SLC7A14: variants seen among roughly 807,000 people sequenced by gnomAD.
SLC7A14 encodes solute carrier family 7 member 14.
A neutral mutation model predicts 60.2 loss-of-function variants in SLC7A14; 37 were observed. The observed-to-expected ratio is 0.61, with a 90% CI of 0.47 to 0.81. The LOEUF (loss-of-function observed/expected upper bound fraction) is 0.81. Among genes scored for constraint, SLC7A14 ranks in the 30% least tolerant of loss-of-function variants. The pLI, the probability that SLC7A14 is intolerant of heterozygous loss-of-function variation, is 0.00. For synonymous variants in SLC7A14, 399 were observed against 395.8 expected, an observed-to-expected ratio of 1.01 and a Z score of -0.10; for missense variants, 886 against 982.7, an observed-to-expected ratio of 0.90 and a Z score of 1.32.
chr3:170,562,839 C>T (rs1457659610), intron 1 of SLC7A14, among the ~76,000 whole-genome samples: 2 of 152,044 alleles, frequency 1.3e-5, no homozygotes, highest in Non-Finnish European at 2.9e-5. Context: ...TCACTGTGAC[C>T]TCTAGAGGCC....
chr3:170,507,223 T>G (rs1319195165), intron 2 of SLC7A14, among the ~76,000 whole-genome samples: 1 of 152,224 alleles, frequency 6.6e-6, no homozygotes, highest in Non-Finnish European at 1.5e-5. Context: ...CTAATTTCCT[T>G]CCTTTATTCC....
intron 4 of SLC7A14, chr3:170,496,410 C>G (rs756229683): frequency 7.2e-7 from 1 of 1,384,508 alleles, no homozygotes; most frequent in Non-Finnish European, 1.0e-6. Context: ...CCTCAAAGGC[C>G]AGAGGGCTTC....
At chr3:170,542,179 T>C (rs1286971515) in intron 1 of SLC7A14, among the ~76,000 whole-genome samples, 1 of 152,162 alleles carries the variant, frequency 6.6e-6, no homozygotes, top group African/African-American at 2.4e-5. Flanking sequence ...ATTCTCCCAG[T>C]TGCTACACAA....
chr3:170,543,980 C>T (rs1486561734), intron 1 of SLC7A14, among the ~76,000 whole-genome samples: 11 of 151,926 alleles, frequency 7.2e-5, no homozygotes, highest in Admixed American at 7.2e-4. Flanking sequence ...GAACTCCTGA[C>T]CTTGTGATCC....
intron 1 of SLC7A14, among the ~76,000 whole-genome samples, chr3:170,544,099 C>T (rs1251161974): frequency 6.6e-6 from 1 of 152,066 alleles, no homozygotes; most frequent in East Asian, 1.9e-4. Context: ...TAAGCCTCCA[C>T]ATTCGGAGCC....
Position 170,461,938 on chromosome 3 carries a change from C to T in SLC7A14, c.*5117G>A, listed in dbSNP as rs1027401673. The T allele has an allele frequency of 6.6e-6, 1 of 152,588 alleles. No homozygotes were observed. Among genetic ancestry groups the T allele is most frequent in the African/African-American group, 2.4e-5 (1 of 41,404 alleles). The allele number at this position is 152,588 out of a possible 1,614,324, so 9.5% of individuals were successfully genotyped here. A position where few individuals can be genotyped will look rare whatever the true frequency, so the allele number is the denominator to read the frequency against. ...GCGACTTCTGGATGTGTTTCCTTTG[C>T]TCTCCTCTCTTTCCCTCCATTGGAA... On this transcript the variant is annotated 3_prime_UTR_variant, in exon 8 of 8. Transcript: ENST00000231706.
At chr3:170,508,088 C>T (rs1712842609) in intron 2 of SLC7A14, among the ~76,000 whole-genome samples, 1 of 152,206 alleles carries the variant, frequency 6.6e-6, no homozygotes, top group Admixed American at 6.5e-5. Context: ...CTAATTCACT[C>T]ATTCATTTAT....
chr3:170,577,361 G>C (rs2108317812), intron 1 of SLC7A14, among the ~76,000 whole-genome samples: 1 of 152,262 alleles, frequency 6.6e-6, no homozygotes, highest in East Asian at 1.9e-4. Context: ...GCTCACGCCT[G>C]TAATCCCAGC....
chr3:170,508,483 G>C (rs907464360), intron 2 of SLC7A14, among the ~76,000 whole-genome samples: 1 of 152,140 alleles, frequency 6.6e-6, no homozygotes, highest in African/African-American at 2.4e-5. Flanking sequence ...GGAAGGTTGG[G>C]GTGGGCTGAT....
At chr3:170,568,663 G>C (rs1263041411) in intron 1 of SLC7A14, among the ~76,000 whole-genome samples, 2 of 152,150 alleles carry the variant, frequency 1.3e-5, no homozygotes, top group African/African-American at 4.8e-5. Context: ...TCTTCCATTT[G>C]TTTGTATCCT....
rs1485885500 is a variant in SLC7A14, at chr3:170,460,750, C to G, written c.*6305G>C. ...TCCAGGCTGCCCCTGTTTCCTAGCT[C>G]TAATATAAGCCATTTTCTTTCCTTA... On this transcript the variant is annotated 3_prime_UTR_variant, in exon 8 of 8. Coordinates refer to ENST00000231706, the MANE Select transcript of SLC7A14 (RefSeq NM_020949.3). The G allele has an allele frequency of 1.3e-5, 2 of 151,440 alleles. No homozygotes were observed. Among genetic ancestry groups the G allele is most frequent in the African/African-American group, 2.4e-5 (1 of 41,260 alleles). The allele number at this position is 151,440 out of a possible 1,614,324, so 9.4% of individuals were successfully genotyped here.
chr3:170,532,502 C>T lies in SLC7A14; in HGVS notation c.-152-5414G>A, dbSNP rs1240771923. Among the ~76,000 whole-genome samples the T allele has an allele frequency of 1.3e-5, 2 of 152,218 alleles. No individual in the cohort carries two copies. The highest frequency in any genetic ancestry group is 2.9e-5 in the Non-Finnish European group (2 of 68,036). On this transcript the variant is annotated intron_variant, in intron 1 of 7. Transcript: ENST00000231706. This position sits in a 1 kb window ranked among gnomAD's most constrained non-coding sequence, Gnocchi z 4.0. ...GTGACCTTGGGCAAACCTCACTATGCGTCAGTTTTGCCATTTGTAAAATGG... is the reference window on the plus strand; with the variant it reads ...GTGACCTTGGGCAAACCTCACTATGTGTCAGTTTTGCCATTTGTAAAATGG...
chr3:170,541,979 T>C (rs997572289), intron 1 of SLC7A14, among the ~76,000 whole-genome samples: 8 of 152,240 alleles, frequency 5.3e-5, no homozygotes, highest in Non-Finnish European at 1.2e-4. Flanking sequence ...GTAGTTATGC[T>C]TCTACGCATC....
Position 170,477,046 on chromosome 3 carries a change from A to T in SLC7A14, c.1993+3243T>A, listed in dbSNP as rs186294602. On this transcript the variant is annotated intron_variant, in intron 7 of 7. Transcript: ENST00000231706. ...GCAGCAGCAGAGCATTAAACCAAGC[A>T]TGGGACCCTGTGCACAGCTGTGTGC... 4.4e-3 allele frequency among the ~76,000 whole-genome samples: 674 copies of T among 152,350 alleles called. 7 individuals carry two copies. Among genetic ancestry groups the T allele is most frequent in the African/African-American group, 0.016 (653 of 41,578 alleles).
At position 170,459,869 on chromosome 3, in the gene SLC7A14, G is replaced by C. The variant is rs1262569252; in HGVS notation, c.*7186C>G. 6.6e-6 allele frequency: 1 copy of C among 151,636 alleles called. No individual in the cohort carries two copies. The highest frequency in any genetic ancestry group is 1.5e-5 in the Non-Finnish European group (1 of 67,930). The allele number at this position is 151,636 out of a possible 1,614,324, so 9.4% of individuals were successfully genotyped here. A position where few individuals can be genotyped will look rare whatever the true frequency, so the allele number is the denominator to read the frequency against. On this transcript the variant is annotated 3_prime_UTR_variant, in exon 8 of 8. Coordinates refer to ENST00000231706, the MANE Select transcript of SLC7A14 (RefSeq NM_020949.3). ...TTTATAGTAAGACACTTTTGTTTCT[G>C]ACTTTCTTTATAAACCCATTTTTAA...
intron 1 of SLC7A14, among the ~76,000 whole-genome samples, chr3:170,569,473 T>C (rs1401610007): frequency 1.3e-5 from 2 of 151,772 alleles, no homozygotes; most frequent in Admixed American, 6.6e-5. Context: ...TAAAATTCTC[T>C]TTTTTGGTTG....
At chr3:170,556,033 A>T (rs1482200562) in intron 1 of SLC7A14, among the ~76,000 whole-genome samples, 1 of 152,196 alleles carries the variant, frequency 6.6e-6, no homozygotes, top group South Asian at 2.1e-4. Context: ...TCCCCTACTA[A>T]ATGTGCAATC....
At chr3:170,510,654 G>C (rs1214889001) in intron 2 of SLC7A14, among the ~76,000 whole-genome samples, 1 of 152,126 alleles carries the variant, frequency 6.6e-6, no homozygotes, top group Non-Finnish European at 1.5e-5. Context: ...TGCTCATGTG[G>C]TTACTTTCAA....
At chr3:170,583,662 GTATAA>G (rs1485458785) in intron 1 of SLC7A14, among the ~76,000 whole-genome samples, 5 of 152,236 alleles carry the variant, frequency 3.3e-5, no homozygotes. Flanking sequence ...AAATTCAACA[GTATAA>G]TTCTAAATAT....
Sources: gnomAD v4.1 joint callset for allele counts (sites outside exome capture counted in the v4.1 genomes callset) on GRCh38, gnomAD v4.1.1 for gene constraint, Gnocchi (gnomAD v3.1) non-coding constraint, MANE v1.5 for transcripts, NCBI Gene and HGNC (gene_info 2026-07-23, HGNC 2026-07-21) for gene names.